RLN2: variants seen among roughly 807,000 people sequenced by gnomAD.
RLN2 encodes relaxin 2.
A neutral mutation model predicts 7.3 loss-of-function variants in RLN2; 10 were observed. The observed-to-expected ratio is 1.36, with a 90% CI of 0.84 to 2.31. RLN2 has a LOEUF of 2.31. Among genes scored for constraint, RLN2 ranks in the 30% most tolerant of loss-of-function variants. RLN2 has a pLI of 0.00. For synonymous variants in RLN2, 103 were observed against 82.3 expected, an observed-to-expected ratio of 1.25 and a Z score of -1.36; for missense variants, 298 against 217.6, an observed-to-expected ratio of 1.37 and a Z score of -2.32.
the RLN2 span, among the ~76,000 whole-genome samples, chr9:5,321,603 AG>A: frequency 6.6e-6 from 1 of 151,738 alleles, no homozygotes; most frequent in East Asian, 1.9e-4. Flanking sequence ...GGAAGGAAGG[AG>A]GGATGGAGGG....
chr9:5,339,245 C>T, the RLN2 span: 1 of 256,072 alleles, frequency 3.9e-6, no homozygotes. Flanking sequence ...TCCACCCCGT[C>T]GCTCTGACTG....
chr9:5,321,934 G>A, the RLN2 span, among the ~76,000 whole-genome samples: 1 of 152,014 alleles, frequency 6.6e-6, no homozygotes, highest in South Asian at 2.1e-4. Context: ...CCCTGAGAAC[G>A]ATGGTCACTT....
At chr9:5,311,256 C>T in the RLN2 span, among the ~76,000 whole-genome samples, 1 of 151,486 alleles carries the variant, frequency 6.6e-6, no homozygotes, top group Non-Finnish European at 1.5e-5. Context: ...TTCACATGTA[C>T]AAGATGAGAG....
the RLN2 span, chr9:5,335,414 A>T: frequency 1.9e-6 from 3 of 1,613,636 alleles, no homozygotes; most frequent in African/African-American, 4.0e-5. Context: ...ATTGCGAATA[A>T]GTTTCTTAAA....
chr9:5,311,257 A>G, the RLN2 span, among the ~76,000 whole-genome samples: 1 of 151,966 alleles, frequency 6.6e-6, no homozygotes, highest in African/African-American at 2.4e-5. Flanking sequence ...TCACATGTAC[A>G]AGATGAGAGT....
chr9:5,313,541 A>T, the RLN2 span, among the ~76,000 whole-genome samples: 1,209 of 152,138 alleles, frequency 7.9e-3, 28 homozygotes, highest in African/African-American at 0.028. Flanking sequence ...TGTCTTAAAA[A>T]CTTTTTATTT....
chr9:5,325,308 G>C, the RLN2 span, among the ~76,000 whole-genome samples: 2 of 151,566 alleles, frequency 1.3e-5, no homozygotes, highest in Admixed American at 1.3e-4. Context: ...AAAGAAATAA[G>C]AAAGGCAACA....
the RLN2 span, among the ~76,000 whole-genome samples, chr9:5,322,134 C>G: frequency 6.6e-6 from 1 of 151,932 alleles, no homozygotes; most frequent in Non-Finnish European, 1.5e-5. Flanking sequence ...AGTGGATGGA[C>G]AGCAAAACGG....
the RLN2 span, among the ~76,000 whole-genome samples, chr9:5,319,204 T>C: frequency 6.6e-6 from 1 of 151,944 alleles, no homozygotes. Flanking sequence ...GGCAAAATGA[T>C]CTAGATTTTT....
the RLN2 span, among the ~76,000 whole-genome samples, chr9:5,316,535 C>T: frequency 6.6e-6 from 1 of 151,982 alleles, no homozygotes; most frequent in South Asian, 2.1e-4. Flanking sequence ...TGAGTGAGAA[C>T]ATGCAGTGTT....
chr9:5,323,396 A>T, the RLN2 span, among the ~76,000 whole-genome samples: 1 of 152,052 alleles, frequency 6.6e-6, no homozygotes, highest in African/African-American at 2.4e-5. Context: ...TCCTAATAAA[A>T]TATATAAAGA....
At chr9:5,317,995 T>TGTGTGTGC in the RLN2 span, among the ~76,000 whole-genome samples, 2 of 117,492 alleles carry the variant, frequency 1.7e-5, no homozygotes, top group African/African-American at 7.1e-5. Flanking sequence ...AACAAAACTA[T>TGTGTGTGC]GTGTGTGTGT....
At chr9:5,330,410 G>A in the RLN2 span, among the ~76,000 whole-genome samples, 285 of 151,998 alleles carry the variant, frequency 1.9e-3, no homozygotes, top group Non-Finnish European at 2.6e-3. Flanking sequence ...AGGCAGAGGA[G>A]GGCAGATCAC....
the RLN2 span, among the ~76,000 whole-genome samples, chr9:5,321,068 A>C: frequency 6.6e-6 from 1 of 152,156 alleles, no homozygotes; most frequent in Non-Finnish European, 1.5e-5. Flanking sequence ...AGGCAAACAT[A>C]AGACTATTCT....
chr9:5,332,906 C>T, the RLN2 span, among the ~76,000 whole-genome samples: 5 of 151,894 alleles, frequency 3.3e-5, no homozygotes, highest in East Asian at 1.9e-4. Flanking sequence ...CATGAGCCAC[C>T]GCGCCCGGCC....
the RLN2 span, among the ~76,000 whole-genome samples, chr9:5,337,443 A>C: frequency 6.6e-6 from 1 of 152,062 alleles, no homozygotes; most frequent in African/African-American, 2.4e-5. Flanking sequence ...GAATTCATGC[A>C]AATACCCTTA....
chr9:5,335,617 A>G, the RLN2 span: 1 of 1,526,602 alleles, frequency 6.6e-7, no homozygotes, highest in Non-Finnish European at 9.0e-7. Context: ...TTAAAAAAAA[A>G]GTGTATGTGA....
the RLN2 span, among the ~76,000 whole-genome samples, chr9:5,314,066 C>A: frequency 1.3e-5 from 2 of 152,036 alleles, no homozygotes. Context: ...GCAGTTCTCA[C>A]AGGCACTAAG....
At chr9:5,305,386 CACACACACACACACACAGAG>C (rs1399153900), upstream of RLN2, among the ~76,000 whole-genome samples, 9 of 141,850 alleles carry the variant, frequency 6.3e-5, no homozygotes, top group Middle Eastern at 3.3e-3. Flanking sequence ...CACACACACA[CACACACACACACACACAGAG>C]AGAGAGAGAG....
Sources: gnomAD v4.1 joint callset for allele counts (sites outside exome capture counted in the v4.1 genomes callset) on GRCh38, gnomAD v4.1.1 for gene constraint, MANE v1.5 for transcripts, NCBI Gene and HGNC (gene_info 2026-07-23, HGNC 2026-07-21) for gene names.